Variants in L3MBTL3 observed in about 807,000 individuals in gnomAD.
L3MBTL3 encodes L3MBTL histone methyl-lysine binding protein 3, also known as lethal(3)malignant brain tumor-like protein 3.
In L3MBTL3, 27 loss-of-function variants were observed where a neutral mutation model predicts 102.3. The observed-to-expected ratio is 0.26, with a 90% CI of 0.19 to 0.36. L3MBTL3 has a LOEUF of 0.36. L3MBTL3 is among the 10% of genes least tolerant of loss of function. The pLI, the probability that L3MBTL3 is intolerant of heterozygous loss-of-function variation, is 1.00. For synonymous variants in L3MBTL3, 340 were observed against 320.9 expected, an observed-to-expected ratio of 1.06 and a Z score of -0.64; for missense variants, 798 against 955.3, an observed-to-expected ratio of 0.84 and a Z score of 2.17.
intron 1 of L3MBTL3, among the ~76,000 whole-genome samples, chr6:130,019,158 CCCCCGAGCT>C (rs1470811398): frequency 6.6e-6 from 1 of 151,388 alleles, no homozygotes; most frequent in African/African-American, 2.4e-5. Flanking sequence ...TCCCCCGCGC[CCCCCGAGCT>C]TGTCACTTTG....
intron 6 of L3MBTL3, 75 bp from the exon 7 acceptor site, chr6:130,052,784 T>A (rs999110381): frequency 6.6e-7 from 1 of 1,508,622 alleles, no homozygotes; most frequent in Non-Finnish European, 8.9e-7. Flanking sequence ...TAATGATTGT[T>A]GCATTGATAA....
chr6:130,056,147 C>T (rs1781493887), intron 8 of L3MBTL3, among the ~76,000 whole-genome samples: 3 of 152,056 alleles, frequency 2.0e-5, no homozygotes, highest in South Asian at 2.1e-4. Context: ...AGGCTGGTCT[C>T]GAACTCCTGA....
At chr6:130,020,718 C>T (rs893555839) in intron 1 of L3MBTL3, 1 of 151,762 alleles carries the variant, frequency 6.6e-6, no homozygotes, top group East Asian at 1.9e-4. Context: ...GCCACCACCC[C>T]GCTTCCTTTT....
At chr6:130,091,520 C>A (rs1303797834) in intron 16 of L3MBTL3, among the ~76,000 whole-genome samples, 1 of 152,076 alleles carries the variant, frequency 6.6e-6, no homozygotes, top group African/African-American at 2.4e-5. Flanking sequence ...ACTGCCCTTT[C>A]ACACAATGGC....
At chr6:130,032,634 C>A (rs1229027056) in intron 2 of L3MBTL3, among the ~76,000 whole-genome samples, 3 of 152,198 alleles carry the variant, frequency 2.0e-5, no homozygotes, top group Non-Finnish European at 2.9e-5. Context: ...TTCACCATTA[C>A]TCAATGAATT....
chr6:130,096,536 A>G (rs1051350692), intron 18 of L3MBTL3, among the ~76,000 whole-genome samples: 3 of 152,204 alleles, frequency 2.0e-5, no homozygotes, highest in African/African-American at 7.2e-5. Flanking sequence ...ACCTTATGGC[A>G]GTGTCCATGG....
At chr6:130,107,007 G>A (rs1168562357) in intron 19 of L3MBTL3, among the ~76,000 whole-genome samples, 1 of 152,196 alleles carries the variant, frequency 6.6e-6, no homozygotes, top group African/African-American at 2.4e-5. Context: ...GATCAGAGGT[G>A]TCCATGTCTA....
At position 130,108,940 on chromosome 6, in the gene L3MBTL3, A is replaced by T. The variant is rs142998321; in HGVS notation, c.1886+4365A>T. 5.7e-3 allele frequency among the ~76,000 whole-genome samples: 867 copies of T among 151,826 alleles called. 5 individuals are homozygous for T. The highest frequency in any genetic ancestry group is 9.2e-3 in the Non-Finnish European group (628 of 67,984). ...TTTCATTGTTCAGCTCCCACTTATGAGTGAGAACGTGTGGTGTTTGGTTTT... is the reference window on the plus strand; with the variant it reads ...TTTCATTGTTCAGCTCCCACTTATGTGTGAGAACGTGTGGTGTTTGGTTTT... On this transcript the variant is annotated intron_variant, in intron 19 of 22. Coordinates refer to ENST00000361794, the MANE Select transcript of L3MBTL3 (RefSeq NM_032438.4).
At chr6:130,052,664 C>G (rs1387848193) in intron 6 of L3MBTL3, among the ~76,000 whole-genome samples, 195 bp from the exon 7 acceptor site, 2 of 152,158 alleles carry the variant, frequency 1.3e-5, no homozygotes, top group African/African-American at 4.8e-5. Flanking sequence ...CCCTGACAGA[C>G]AGATGTCATA....
In L3MBTL3 at chr6:130,116,415, C is replaced by T. The variant is rs1785679035; in HGVS notation, c.1887-4464C>T. 2.4e-5 allele frequency among the ~76,000 whole-genome samples: 3 copies of T among 124,702 alleles called. No homozygotes were observed. In the South Asian group the frequency reaches 8.7e-4, roughly 36 times the overall value. 81.8% of individuals were successfully genotyped at this position (124,702 alleles called of 152,430 possible). On this transcript the variant is annotated intron_variant, in intron 19 of 22. Coordinates refer to ENST00000361794, the MANE Select transcript of L3MBTL3 (RefSeq NM_032438.4). ...CTGAAATTTAAACCAGATCTCTTCA[C>T]TTCCTAAGATCATATGTGTAACCAC...
chr6:130,031,864 C>G (rs1232115854), intron 2 of L3MBTL3, among the ~76,000 whole-genome samples: 1 of 151,744 alleles, frequency 6.6e-6, no homozygotes, highest in East Asian at 1.9e-4. Context: ...AATAGTAATA[C>G]TAATTTTTAC....
intron 10 of L3MBTL3, among the ~76,000 whole-genome samples, chr6:130,065,004 TG>T (rs1238090714): frequency 6.6e-6 from 1 of 151,230 alleles, no homozygotes; most frequent in Admixed American, 6.6e-5. Context: ...CTGTAGGGAG[TG>T]GGGGTAGCTC....
intron 3 of L3MBTL3, among the ~76,000 whole-genome samples, chr6:130,048,397 G>T (rs1409937625): frequency 6.6e-6 from 1 of 152,274 alleles, no homozygotes; most frequent in South Asian, 2.1e-4. Context: ...TGAAACCCAT[G>T]AATGTGTGAG....
intron 16 of L3MBTL3, among the ~76,000 whole-genome samples, chr6:130,089,332 T>C (rs1783890470): frequency 6.6e-6 from 1 of 151,944 alleles, no homozygotes; most frequent in African/African-American, 2.4e-5. Context: ...TTTTCTGTCT[T>C]CGTGATAGTT....
At chr6:130,070,482 T>C (rs1782555716) in intron 12 of L3MBTL3, among the ~76,000 whole-genome samples, 1 of 152,238 alleles carries the variant, frequency 6.6e-6, no homozygotes, top group African/African-American at 2.4e-5. Context: ...GAAGATGACC[T>C]ACTTTCGAGA....
At chr6:130,077,647 T>A (rs1219829547) in intron 13 of L3MBTL3, among the ~76,000 whole-genome samples, 2 of 152,218 alleles carry the variant, frequency 1.3e-5, no homozygotes, top group Non-Finnish European at 2.9e-5. Flanking sequence ...CGATATTTTG[T>A]AGAAAATTAT....
intron 22 of L3MBTL3, among the ~76,000 whole-genome samples, chr6:130,134,387 A>G (rs1007718996): frequency 1.3e-5 from 2 of 152,194 alleles, no homozygotes; most frequent in East Asian, 1.9e-4. Context: ...ACATTCCTCA[A>G]TAATGTTTAT....
intron 22 of L3MBTL3, among the ~76,000 whole-genome samples, chr6:130,138,994 CT>C (rs1242764081): frequency 1.3e-5 from 2 of 152,068 alleles, no homozygotes; most frequent in African/African-American, 4.8e-5. Context: ...GTTACCCTAC[CT>C]GCGTATTAGA....
chr6:130,049,930 A>G (rs1287654569), intron 5 of L3MBTL3, 100 bp downstream of exon 5: 3 of 1,411,228 alleles, frequency 2.1e-6, no homozygotes, highest in Non-Finnish European at 2.8e-6. Flanking sequence ...ATTTCAGTTG[A>G]CAATAGCACC....
Sources: allele counts gnomAD v4.1 joint callset (sites outside exome capture counted in the v4.1 genomes callset), GRCh38; gene constraint gnomAD v4.1.1; transcripts MANE v1.5; gene names NCBI Gene and HGNC (gene_info 2026-07-23, HGNC 2026-07-21).